PHTF2: variants seen among roughly 807,000 people sequenced by gnomAD.
PHTF2 encodes the protein protein PHTF2.
A neutral mutation model predicts 101.2 loss-of-function variants in PHTF2; 60 were observed. The ratio of observed to expected loss-of-function variants is 0.59; its 90% CI spans 0.48 to 0.73. PHTF2 has a LOEUF of 0.73. Among genes scored for constraint, PHTF2 ranks in the 30% least tolerant of loss-of-function variants. The pLI is 0.00. For missense variants in PHTF2, 747 were observed against 908.7 expected, an observed-to-expected ratio of 0.82 and a Z score of 2.29; for synonymous variants, 311 against 307.3, an observed-to-expected ratio of 1.01 and a Z score of -0.13.
intron 1 of PHTF2, among the ~76,000 whole-genome samples, chr7:77,815,374 T>C (rs1025120201): frequency 3.3e-5 from 5 of 152,196 alleles, no homozygotes; most frequent in Non-Finnish European, 5.9e-5. Context: ...AATGGAAATG[T>C]TGGAATATAT....
At chr7:77,869,794 G>A (rs542406791) in intron 3 of PHTF2, among the ~76,000 whole-genome samples, 1 of 152,176 alleles carries the variant, frequency 6.6e-6, no homozygotes, top group East Asian at 1.9e-4. Flanking sequence ...GTTTTGATTT[G>A]TATTTCCCCG....
intron 12 of PHTF2, among the ~76,000 whole-genome samples, chr7:77,931,643 G>A (rs1159939006): frequency 6.6e-6 from 1 of 152,146 alleles, no homozygotes; most frequent in African/African-American, 2.4e-5. Flanking sequence ...ACTTTGAAGA[G>A]CAGTTTGTCA....
chr7:77,827,683 C>G (rs534696021), intron 1 of PHTF2, among the ~76,000 whole-genome samples: 1 of 151,114 alleles, frequency 6.6e-6, no homozygotes, highest in East Asian at 2.0e-4. Context: ...CGCTGTTTCA[C>G]CCAAGCCAGA....
chr7:77,831,651 AACCAATACC>A (rs1394458883), intron 1 of PHTF2, among the ~76,000 whole-genome samples: 1 of 152,204 alleles, frequency 6.6e-6, no homozygotes, highest in Non-Finnish European at 1.5e-5. Flanking sequence ...TTTTGTTGCC[AACCAATACC>A]ACAGCTGTAG....
chr7:77,843,950 C>A (rs952338637), intron 2 of PHTF2, among the ~76,000 whole-genome samples: 1 of 152,066 alleles, frequency 6.6e-6, no homozygotes, highest in African/African-American at 2.4e-5. Flanking sequence ...TAAATAAAAA[C>A]CAAAAACATT....
At chr7:77,952,403 A>C (rs1806628579) in intron 18 of PHTF2, among the ~76,000 whole-genome samples, 1 of 152,148 alleles carries the variant, frequency 6.6e-6, no homozygotes, top group Non-Finnish European at 1.5e-5. Context: ...AAACAGTGTG[A>C]ATTGGGTATA....
At chr7:77,904,814 A>G (rs1253370095) in intron 7 of PHTF2, among the ~76,000 whole-genome samples, 1 of 152,182 alleles carries the variant, frequency 6.6e-6, no homozygotes, top group South Asian at 2.1e-4. Flanking sequence ...TTGTGTGGGG[A>G]GGATGAAAGG....
At chr7:77,951,342 A>C (rs932417645) in intron 17 of PHTF2, among the ~76,000 whole-genome samples, 2 of 152,196 alleles carry the variant, frequency 1.3e-5, no homozygotes, top group Admixed American at 1.3e-4. Flanking sequence ...TTTATTTTTT[A>C]GGTTGATTTG....
At chr7:77,885,076 T>C (rs1478383348) in intron 3 of PHTF2, among the ~76,000 whole-genome samples, 1 of 152,160 alleles carries the variant, frequency 6.6e-6, no homozygotes, top group East Asian at 1.9e-4. Context: ...GCATCTACTT[T>C]TTTTAAAATT....
chr7:77,830,524 T>G (rs1335264598), intron 1 of PHTF2, among the ~76,000 whole-genome samples: 1 of 152,270 alleles, frequency 6.6e-6, no homozygotes, highest in East Asian at 1.9e-4. Flanking sequence ...CGGCATTAGA[T>G]TCTCATAAGA....
intron 19 of PHTF2, among the ~76,000 whole-genome samples, chr7:77,954,612 G>GTGTGTGTATATATA (rs1426693429): frequency 3.1e-4 from 28 of 90,198 alleles, no homozygotes; most frequent in Non-Finnish European, 5.0e-4. Context: ...CAAGTACTGT[G>GTGTGTGTATATATA]TATATATATA....
At chr7:77,900,963 C>T (rs1801329566) in intron 6 of PHTF2, among the ~76,000 whole-genome samples, 183 bp downstream of exon 5, 1 of 152,224 alleles carries the variant, frequency 6.6e-6, no homozygotes, top group African/African-American at 2.4e-5. Context: ...ACAGAAATCA[C>T]AGCACCAGCA....
rs1331816388 is a variant in PHTF2 at position 77,929,439 on chromosome 7, AT to A, written c.1338+120del. The A allele has an allele frequency of 3.4e-5, 21 of 613,820 alleles. 1 individual carries two copies. Among genetic ancestry groups the A allele is most frequent in the Admixed American group, 9.8e-5 (3 of 30,640 alleles). The allele number at this position is 613,820 out of a possible 1,614,324, so 38.0% of individuals were successfully genotyped here. A position where few individuals can be genotyped will look rare whatever the true frequency, so the allele number is the denominator to read the frequency against. On this transcript the variant is annotated intron_variant, in intron 12 of 19. Coordinates refer to ENST00000416283, the Ensembl canonical transcript of PHTF2. ...TTACATTCAAGCTTATATTTCTATA[AT>A]TTTTTTTCTTTTTATGTGAGCTGTG...
exon 15 of PHTF2, chr7:77,940,583 A>G: frequency 6.2e-7 from 1 of 1,608,072 alleles, no homozygotes; most frequent in Non-Finnish European, 8.5e-7. Flanking sequence ...AGGGCTCGAA[A>G]ATCTGAGGTT....
At chr7:77,948,609 C>T (rs1806284170) in intron 16 of PHTF2, among the ~76,000 whole-genome samples, 1 of 151,654 alleles carries the variant, frequency 6.6e-6, no homozygotes, top group South Asian at 2.1e-4. Context: ...GAACAACATA[C>T]TAGAAAAAAA....
At chr7:77,864,727 T>C (rs1287908333) in intron 3 of PHTF2, among the ~76,000 whole-genome samples, 1 of 152,160 alleles carries the variant, frequency 6.6e-6, no homozygotes, top group African/African-American at 2.4e-5. Flanking sequence ...CTCCTCCTGC[T>C]AGTGCTCCTA....
At chr7:77,816,006 A>G (rs1397423647) in intron 1 of PHTF2, among the ~76,000 whole-genome samples, 1 of 151,788 alleles carries the variant, frequency 6.6e-6, no homozygotes, top group African/African-American at 2.4e-5. Context: ...GTAAAGTTAG[A>G]TGCTTGTGTT....
chr7:77,933,689 A>C (rs1804816400), intron 12 of PHTF2, among the ~76,000 whole-genome samples: 1 of 150,630 alleles, frequency 6.6e-6, no homozygotes, highest in Non-Finnish European at 1.5e-5. Flanking sequence ...AACTATAAGC[A>C]GCATAAAAGC....
intron 16 of PHTF2, among the ~76,000 whole-genome samples, chr7:77,945,335 C>T (rs751541161): frequency 2.0e-5 from 3 of 151,956 alleles, no homozygotes; most frequent in Admixed American, 2.0e-4. Context: ...GAGACTGTCT[C>T]CAAAAGGAAA....
Sources: allele counts gnomAD v4.1 joint callset (sites outside exome capture counted in the v4.1 genomes callset), GRCh38; gene constraint gnomAD v4.1.1; transcripts MANE v1.5; gene names NCBI Gene and HGNC (gene_info 2026-07-23, HGNC 2026-07-21).